TIPIN: variants seen among roughly 807,000 people sequenced by gnomAD.
TIPIN encodes TIMELESS interacting protein, also known as TIMELESS-interacting protein.
TIPIN carries 29 observed loss-of-function variants against 35.6 expected under a neutral mutation model. The observed-to-expected ratio is 0.82, with a 90% CI of 0.61 to 1.11. TIPIN has a LOEUF of 1.11. TIPIN is among the 50% of genes most tolerant of loss of function. TIPIN has a pLI of 0.00. For synonymous variants in TIPIN, 102 were observed against 121.5 expected, an observed-to-expected ratio of 0.84 and a Z score of 1.06; for missense variants, 296 against 345.4, an observed-to-expected ratio of 0.86 and a Z score of 1.13.
At chr15:66,379,259 T>C in intron 1 of TIPIN, 2 of 1,483,156 alleles carry the variant, frequency 1.3e-6, no homozygotes, top group Non-Finnish European at 1.8e-6. Flanking sequence ...AGGTCTTTTA[T>C]TACATCATTT....
chr15:66,351,416 G>A (rs1002207117), intron 4 of TIPIN, 109 bp downstream of exon 4: 6 of 787,244 alleles, frequency 7.6e-6, no homozygotes, highest in Admixed American at 2.5e-5. Flanking sequence ...GACATACGAC[G>A]ACTAAGGATA....
chr15:66,365,866 T>A (rs543671803), intron 1 of TIPIN, among the ~76,000 whole-genome samples: 2,114 of 152,146 alleles, frequency 0.014, 26 homozygotes, highest in South Asian at 0.041. Context: ...TTAGTTTACT[T>A]TTTTTACTTT....
chr15:66,377,291 A>AT (rs1349672869), intron 1 of TIPIN, among the ~76,000 whole-genome samples: 1 of 152,114 alleles, frequency 6.6e-6, no homozygotes, highest in African/African-American at 2.4e-5. Context: ...AACTACCTAT[A>AT]TTGATGTATT....
chr15:66,378,152 G>C (rs1404534026), intron 1 of TIPIN, among the ~76,000 whole-genome samples: 1 of 152,160 alleles, frequency 6.6e-6, no homozygotes, highest in African/African-American at 2.4e-5. Flanking sequence ...ACAGGTGTAT[G>C]CAACCATGTC....
chr15:66,385,160 G>A (rs528833064), intron 1 of TIPIN, among the ~76,000 whole-genome samples: 5 of 152,264 alleles, frequency 3.3e-5, no homozygotes, highest in African/African-American at 1.2e-4. Context: ...TGGATGCCTT[G>A]TTCTCCCCTC....
rs774073117 is a variant in TIPIN, at chr15:66,349,105, G to C, written c.430C>G (p.Arg144Gly). The change falls in exon 6 of 8, where the codon CGA becomes GGA. Residue 144 changes from arginine (R) to glycine (G), a missense_variant. By Grantham distance (125) the Arg-to-Gly change is moderately radical (BLOSUM62 -2). Coordinates refer to ENST00000261881, the MANE Select transcript of TIPIN (RefSeq NM_017858.3). ...KEVQTCLKRI[R>G]LDLPILHEDF... ...TCATGTAAAATAGGGAGATCAAGTC[G>C]AATTCGTTTTAAACAGGTCTGAAAA... 1.9e-6 allele frequency: 3 copies of C among 1,610,522 alleles called. No homozygotes were observed. The highest frequency in any genetic ancestry group is 2.5e-6 in the Non-Finnish European group (3 of 1,178,404).
chr15:66,339,562 T>C (rs2093070785), intron 7 of TIPIN, among the ~76,000 whole-genome samples: 1 of 152,146 alleles, frequency 6.6e-6, no homozygotes, highest in Admixed American at 6.6e-5. Flanking sequence ...AAACCCACAA[T>C]GTGTGTTAAA....
At chr15:66,369,385 C>G (rs1383625153) in intron 1 of TIPIN, among the ~76,000 whole-genome samples, 2 of 130,346 alleles carry the variant, frequency 1.5e-5, no homozygotes, top group African/African-American at 6.0e-5. Context: ...GACAGAGTCT[C>G]GCTCTGTCGC....
intron 6 of TIPIN, among the ~76,000 whole-genome samples, chr15:66,343,397 A>T (rs2093101732): frequency 6.6e-6 from 1 of 152,226 alleles, no homozygotes; most frequent in Non-Finnish European, 1.5e-5. Context: ...TTCTATGTAT[A>T]TATTATGCCT....
At chr15:66,367,391 G>A (rs1255708229) in intron 1 of TIPIN, among the ~76,000 whole-genome samples, 1 of 150,268 alleles carries the variant, frequency 6.7e-6, no homozygotes, top group Non-Finnish European at 1.5e-5. Flanking sequence ...TTCCCATTGA[G>A]CAAGTCTGTC....
chr15:66,337,335 T>TC (rs1016619295), intron 7 of TIPIN, among the ~76,000 whole-genome samples, 154 bp from the exon 8 acceptor site: 3 of 151,586 alleles, frequency 2.0e-5, no homozygotes, highest in Non-Finnish European at 4.4e-5. Flanking sequence ...TATCTTTTTT[T>TC]TTTTTTTTGA....
At chr15:66,358,433 CTT>C (rs566498388), upstream of TIPIN, among the ~76,000 whole-genome samples, 5 of 145,402 alleles carry the variant, frequency 3.4e-5, no homozygotes, top group African/African-American at 7.5e-5. Flanking sequence ...TTCTCTCTGT[CTT>C]TTTTTTTTTT....
chr15:66,339,422 T>C (rs1156355894), intron 7 of TIPIN, among the ~76,000 whole-genome samples: 1 of 152,032 alleles, frequency 6.6e-6, no homozygotes, highest in Non-Finnish European at 1.5e-5. Flanking sequence ...ATAATTCTTA[T>C]TTTTCCATTT....
chr15:66,346,628 T>G (rs1382191868), intron 6 of TIPIN, among the ~76,000 whole-genome samples: 2 of 152,158 alleles, frequency 1.3e-5, no homozygotes, highest in African/African-American at 4.8e-5. Context: ...GTCATTTTTT[T>G]AGCCCTGAAC....
chr15:66,370,399 A>G (rs1055380242), intron 1 of TIPIN, among the ~76,000 whole-genome samples: 5 of 152,126 alleles, frequency 3.3e-5, no homozygotes, highest in African/African-American at 1.2e-4. Flanking sequence ...GTGGCTCTCA[A>G]AATAACCTAG....
upstream of TIPIN, among the ~76,000 whole-genome samples, chr15:66,361,561 T>TAA (rs1274566603): frequency 1.5e-4 from 5 of 33,930 alleles, no homozygotes; most frequent in Admixed American, 1.4e-3. Context: ...CACCTGTAAT[T>TAA]TAAAAAAAAA....
upstream of TIPIN, among the ~76,000 whole-genome samples, chr15:66,359,573 A>G (rs1022451944): frequency 6.6e-6 from 1 of 152,074 alleles, no homozygotes; most frequent in Non-Finnish European, 1.5e-5. Flanking sequence ...GCTGGTCTCA[A>G]ACTGACCTCA....
chr15:66,365,208 G>C (rs2093249042), intron 1 of TIPIN, among the ~76,000 whole-genome samples: 1 of 152,030 alleles, frequency 6.6e-6, no homozygotes, highest in African/African-American at 2.4e-5. Flanking sequence ...GGTAACAAAA[G>C]CCAGCCAAAA....
At chr15:66,352,284 G>T in intron 2 of TIPIN, 77 bp from the exon 3 acceptor site, 2 of 1,184,646 alleles carry the variant, frequency 1.7e-6, no homozygotes, top group Non-Finnish European at 2.4e-6. Flanking sequence ...TTTCCAAGCT[G>T]ATAAGATAAC....
Sources: gnomAD v4.1 joint callset for allele counts (sites outside exome capture counted in the v4.1 genomes callset) on GRCh38, gnomAD v4.1.1 for gene constraint, MANE v1.5 for transcripts, NCBI Gene and HGNC (gene_info 2026-07-23, HGNC 2026-07-21) for gene names.